Variants in SNTB1 observed in about 807,000 individuals in gnomAD.
The protein encoded by SNTB1 is syntrophin beta 1.
Under a neutral mutation model 48.9 loss-of-function variants are expected in SNTB1, and 36 were observed. That is an observed-to-expected ratio of 0.74 (90% CI 0.56 to 0.97). The LOEUF is 0.97. Among genes scored for constraint, SNTB1 ranks in the 50% least tolerant of loss-of-function variants. The pLI is 0.00. For missense variants in SNTB1, 786 were observed against 703.4 expected, an observed-to-expected ratio of 1.12 and a Z score of -1.33; for synonymous variants, 299 against 294.6, an observed-to-expected ratio of 1.01 and a Z score of -0.15.
In SNTB1 at chr8:120,771,587, G is replaced by A. The variant is rs543650099; in HGVS notation, c.571+39686C>T. Among the ~76,000 whole-genome samples the A allele has an allele frequency of 1.1e-4, 17 of 152,074 alleles. 1 individual carries two copies. In the South Asian group the frequency reaches 3.5e-3, roughly 32 times the overall value. On this transcript the variant is annotated intron_variant, in intron 1 of 6. Transcript: ENST00000517992. ...TTTGGACTGGAGAAGCCCTTAATTG[G>A]TTTCTGTCTTCTCCCTAATCAAAAA... is the stretch of plus-strand genomic sequence containing the variant.
chr8:120,793,340 T>C (rs1820069597), intron 1 of SNTB1, among the ~76,000 whole-genome samples: 1 of 152,202 alleles, frequency 6.6e-6, no homozygotes, highest in Middle Eastern at 3.4e-3. Context: ...AAAGGCACAG[T>C]GATGAAGAAA....
chr8:120,538,725 G>A lies in SNTB1; in HGVS notation c.*152C>T, dbSNP rs773999551. 1.3e-4 allele frequency: 93 copies of A among 722,254 alleles called. No individual in the cohort carries two copies. The highest frequency in any genetic ancestry group is 2.1e-4 in the Non-Finnish European group (81 of 392,120). The allele number at this position is 722,254 out of a possible 1,614,324, so 44.7% of individuals were successfully genotyped here. A position where few individuals can be genotyped will look rare whatever the true frequency, so the allele number is the denominator to read the frequency against. ...CCTTGTAGTTGCTGAAACTGACAGA[G>A]GAGTCTGGGACAGTTACATACGACT... On this transcript the variant is annotated 3_prime_UTR_variant, in exon 7 of 7. Coordinates refer to ENST00000517992, the MANE Select transcript of SNTB1 (RefSeq NM_021021.4).
At chr8:120,743,415 A>G (rs779068675) in intron 1 of SNTB1, among the ~76,000 whole-genome samples, 5 of 152,130 alleles carry the variant, frequency 3.3e-5, no homozygotes, top group Non-Finnish European at 7.3e-5. Flanking sequence ...TCTGGCCAGC[A>G]TTACTCATGT....
chr8:120,728,843 G>A (rs952008260), intron 1 of SNTB1, among the ~76,000 whole-genome samples: 1 of 152,100 alleles, frequency 6.6e-6, no homozygotes, highest in Non-Finnish European at 1.5e-5. Context: ...TGTTTTCTAG[G>A]TCAAGTGGTA....
chr8:120,625,784 ATAGTCTTGATT>A (rs981038620), intron 3 of SNTB1, among the ~76,000 whole-genome samples: 1 of 152,156 alleles, frequency 6.6e-6, no homozygotes, highest in African/African-American at 2.4e-5. Flanking sequence ...ACCATAACCA[ATAGTCTTGATT>A]TAGGGATGAT....
In SNTB1 at chr8:120,667,343, T is replaced by C. The variant is rs1817689290; in HGVS notation, c.788+26349A>G. Among the ~76,000 whole-genome samples, 3 of 152,260 alleles carry C rather than the reference T, an allele frequency of 2.0e-5. No homozygotes were observed. In the South Asian group the frequency reaches 6.2e-4, roughly 32 times the overall value. On this transcript the variant is annotated intron_variant, in intron 2 of 6. Coordinates refer to ENST00000517992, the MANE Select transcript of SNTB1 (RefSeq NM_021021.4). ...GCTGCCCCTCCCCTGCCCAGTAATGTACCTGCCTCAATGGTTTTGTGGTCG... is the reference window on the plus strand; with the variant it reads ...GCTGCCCCTCCCCTGCCCAGTAATGCACCTGCCTCAATGGTTTTGTGGTCG...
At chr8:120,752,239 G>C (rs996064316) in intron 1 of SNTB1, among the ~76,000 whole-genome samples, 1 of 152,082 alleles carries the variant, frequency 6.6e-6, no homozygotes, top group Non-Finnish European at 1.5e-5. Flanking sequence ...CAGAAATGCT[G>C]AAGTTAGCAC....
chr8:120,597,519 G>A (rs776617498), intron 3 of SNTB1, among the ~76,000 whole-genome samples: 2 of 152,364 alleles, frequency 1.3e-5, no homozygotes, highest in Admixed American at 1.3e-4. Context: ...TAGGACAGCA[G>A]TTTTTAGGAG....
chr8:120,621,624 A>G (rs1456657395), intron 3 of SNTB1, among the ~76,000 whole-genome samples: 1 of 152,190 alleles, frequency 6.6e-6, no homozygotes, highest in Admixed American at 6.5e-5. Flanking sequence ...TAGATCAACA[A>G]ACAAGTGTAG....
At chr8:120,584,399 A>G (rs1469752858) in intron 3 of SNTB1, among the ~76,000 whole-genome samples, 1 of 127,000 alleles carries the variant, frequency 7.9e-6, no homozygotes, top group African/African-American at 3.0e-5. Flanking sequence ...AGATCGCACC[A>G]CTGTACTCCA....
At chr8:120,576,294 A>C (rs958171551) in intron 3 of SNTB1, among the ~76,000 whole-genome samples, 3 of 152,256 alleles carry the variant, frequency 2.0e-5, no homozygotes, top group African/African-American at 7.2e-5. Context: ...GTCACAACTC[A>C]AAAATCTATT....
At chr8:120,758,465 A>T (rs1056929914) in intron 1 of SNTB1, among the ~76,000 whole-genome samples, 1 of 152,216 alleles carries the variant, frequency 6.6e-6, no homozygotes, top group African/African-American at 2.4e-5. Context: ...GAGAGATTCA[A>T]GAGAGTCAAT....
chr8:120,706,821 G>C (rs922457241), intron 1 of SNTB1, among the ~76,000 whole-genome samples: 3 of 152,122 alleles, frequency 2.0e-5, no homozygotes, highest in Admixed American at 1.3e-4. Context: ...CAAACTTGGG[G>C]CTCAGTAAAT....
At chr8:120,800,089 C>A (rs1474489688) in intron 1 of SNTB1, among the ~76,000 whole-genome samples, 1 of 152,038 alleles carries the variant, frequency 6.6e-6, no homozygotes, top group Non-Finnish European at 1.5e-5. Flanking sequence ...GTTACTACAT[C>A]TTCCTTGAAA....
intron 1 of SNTB1, among the ~76,000 whole-genome samples, chr8:120,783,714 T>A (rs1023111331): frequency 1.4e-4 from 21 of 152,290 alleles, no homozygotes; most frequent in Admixed American, 3.9e-4. Context: ...AAACTCTTTG[T>A]TCCCTACTGC....
intron 2 of SNTB1, among the ~76,000 whole-genome samples, chr8:120,652,841 A>G (rs1817431268): frequency 6.6e-6 from 1 of 152,228 alleles, no homozygotes; most frequent in African/African-American, 2.4e-5. Flanking sequence ...AATGGGGGAA[A>G]AAACTACATT....
At chr8:120,792,029 G>A (rs1281204802) in intron 1 of SNTB1, among the ~76,000 whole-genome samples, 1 of 151,680 alleles carries the variant, frequency 6.6e-6, no homozygotes, top group East Asian at 1.9e-4. Context: ...CAATTGTAAA[G>A]ATATGGAAAT....
chr8:120,693,616 A>C, intron 2 of SNTB1, 76 bp downstream of exon 2: 1 of 1,240,272 alleles, frequency 8.1e-7, no homozygotes. Context: ...CATGAGGGCA[A>C]TCTCGTGAAA....
chr8:120,643,464 T>C (rs113493354), intron 2 of SNTB1, among the ~76,000 whole-genome samples: 4 of 152,190 alleles, frequency 2.6e-5, no homozygotes, highest in Admixed American at 6.5e-5. Context: ...ATTATATCAT[T>C]CTTCTGCCTT....
Sources: allele counts gnomAD v4.1 joint callset (sites outside exome capture counted in the v4.1 genomes callset), GRCh38; gene constraint gnomAD v4.1.1; transcripts MANE v1.5; gene names NCBI Gene and HGNC (gene_info 2026-07-23, HGNC 2026-07-21).